Variants in JAKMIP2 observed in about 807,000 individuals in gnomAD.
The protein encoded by JAKMIP2 is janus kinase and microtubule-interacting protein 2.
In JAKMIP2, 25 loss-of-function variants were observed where a neutral mutation model predicts 115.0. That is an observed-to-expected ratio of 0.22 (90% CI 0.16 to 0.30). The LOEUF is 0.30. Among genes scored for constraint, JAKMIP2 ranks in the 10% least tolerant of loss-of-function variants. The pLI, the probability that JAKMIP2 is intolerant of heterozygous loss-of-function variation, is 1.00. For missense variants in JAKMIP2, 642 were observed against 957.6 expected (o/e 0.67, Z 4.35); for synonymous variants, 334 against 343.6 (o/e 0.97, Z 0.31).
intron 1 of JAKMIP2, among the ~76,000 whole-genome samples, chr5:147,721,438 C>T (rs2126943177): frequency 6.6e-6 from 1 of 152,226 alleles, no homozygotes; most frequent in South Asian, 2.1e-4. Flanking sequence ...GCGGGCGCCC[C>T]TCCCCCAGCC....
chr5:147,708,796 G>A (rs1331949233), intron 1 of JAKMIP2, among the ~76,000 whole-genome samples: 1 of 152,148 alleles, frequency 6.6e-6, no homozygotes, highest in Non-Finnish European at 1.5e-5. Context: ...ACAACATGAA[G>A]CCCTTTGTAA....
chr5:147,675,956 G>C (rs1759926677), intron 1 of JAKMIP2, among the ~76,000 whole-genome samples: 1 of 152,014 alleles, frequency 6.6e-6, no homozygotes, highest in African/African-American at 2.4e-5. Flanking sequence ...GGATTCTCTT[G>C]CTGCCTTTGT....
Position 147,661,375 on chromosome 5 carries a change from G to T in JAKMIP2, c.200C>A (p.Thr67Lys). 2 of 1,613,960 alleles carry T rather than the reference G, an allele frequency of 1.2e-6. No individual in the cohort carries two copies. The highest frequency in any genetic ancestry group is 3.3e-5 in the Admixed American group (2 of 60,012). Residue 67 changes from threonine (T) to lysine (K), a missense_variant, in exon 3 of 22, where the codon ACG becomes AAG. Thr to Lys is a moderately conservative substitution (Grantham distance 78). Around this residue, in one of 6 missense-constraint regions of JAKMIP2, gnomAD observed 439 missense variants for 570.9 expected, o/e 0.77. Coordinates refer to ENST00000616793, the MANE Select transcript of JAKMIP2 (RefSeq NM_001270941.2). ...GGCTTTGAGTTCTGTCACCAGCACC[G>T]TGTGCTTGCGCTGCTCCAGCTCACG... ...RIRELEQRKHTVLVTELKAKL... is the reference protein window; with the variant it reads ...RIRELEQRKHKVLVTELKAKL...
Position 147,751,256 on chromosome 5 carries a change from G to GTTTTTTTTTTTTT in JAKMIP2, c.-149+31187_-149+31199dup, listed in dbSNP as rs59032563. Among the ~76,000 whole-genome samples the GTTTTTTTTTTTTT allele has an allele frequency of 2.8e-4, 37 of 131,550 alleles. No homozygotes were observed. In the East Asian group the frequency reaches 8.5e-3, roughly 30 times the overall value. The allele number at this position is 131,550 out of a possible 152,430, so 86.3% of individuals were successfully genotyped here. On this transcript the variant is annotated intron_variant, in intron 1 of 21. Coordinates refer to ENST00000616793, the MANE Select transcript of JAKMIP2 (RefSeq NM_001270941.2). The stretch of plus-strand genomic sequence containing the variant: ...CCGGCTAAGTTGTTTTTTTGTTGTT[G>GTTTTTTTTTTTTT]TTTTTTTTTTTTTTTGTATTTTTAG...
intron 1 of JAKMIP2, among the ~76,000 whole-genome samples, chr5:147,724,402 T>G (rs556260378): frequency 6.6e-6 from 1 of 152,320 alleles, no homozygotes; most frequent in African/African-American, 2.4e-5. Flanking sequence ...TAGAAATATC[T>G]TCTTACGTCT....
intron 19 of JAKMIP2, among the ~76,000 whole-genome samples, chr5:147,612,913 C>T (rs1045989281): frequency 2.0e-5 from 3 of 152,146 alleles, no homozygotes; most frequent in South Asian, 2.1e-4. Context: ...TATCTTAACC[C>T]CATTTCAACC....
At chr5:147,634,454 G>A (rs569119245) in intron 12 of JAKMIP2, among the ~76,000 whole-genome samples, 23 of 152,224 alleles carry the variant, frequency 1.5e-4, no homozygotes, top group Middle Eastern at 6.8e-3. Context: ...GATATTTGTG[G>A]CCTAGTAAAC....
At chr5:147,702,708 A>AAAAG (rs1752424001) in intron 1 of JAKMIP2, among the ~76,000 whole-genome samples, 1 of 100,780 alleles carries the variant, frequency 9.9e-6, no homozygotes, top group Non-Finnish European at 2.0e-5. Flanking sequence ...GAAAAGAAAA[A>AAAAG]AAAAGAGCAG....
At chr5:147,702,566 AAG>A (rs5872039) in intron 1 of JAKMIP2, among the ~76,000 whole-genome samples, 15,032 of 129,938 alleles carry the variant, frequency 0.12, 1,280 homozygotes, top group Non-Finnish European at 0.16. Context: ...GAAAGAAAGA[AAG>A]AAAGAAAGAA....
At chr5:147,614,874 C>T (rs1039528335) in intron 19 of JAKMIP2, among the ~76,000 whole-genome samples, 8 of 152,166 alleles carry the variant, frequency 5.3e-5, no homozygotes, top group African/African-American at 1.7e-4. Context: ...GGGACTTAGC[C>T]CTTGCTGTCC....
chr5:147,669,285 G>A (rs1261877409), intron 2 of JAKMIP2, among the ~76,000 whole-genome samples: 2 of 152,184 alleles, frequency 1.3e-5, no homozygotes, highest in East Asian at 1.9e-4. Flanking sequence ...CCTGAGCTGG[G>A]ACCGTAATTA....
intron 20 of JAKMIP2, among the ~76,000 whole-genome samples, chr5:147,603,769 C>T (rs555626690): frequency 7.2e-5 from 11 of 152,058 alleles, no homozygotes; most frequent in Non-Finnish European, 1.5e-4. Context: ...AGTTCAGACC[C>T]GTAAAGTGTA....
At chr5:147,743,840 A>G (rs987577274) in intron 1 of JAKMIP2, among the ~76,000 whole-genome samples, 9 of 152,288 alleles carry the variant, frequency 5.9e-5, no homozygotes, top group African/African-American at 1.7e-4. Flanking sequence ...CCTGAAAAAC[A>G]GAATTGAAAT....
At chr5:147,691,726 C>T (rs115099021) in intron 1 of JAKMIP2, among the ~76,000 whole-genome samples, 1,897 of 152,242 alleles carry the variant, frequency 0.012, 19 homozygotes, top group Non-Finnish European at 0.019. Flanking sequence ...CTCAAGGGCA[C>T]ATGAGGGTGC....
In JAKMIP2 at chr5:147,702,678, G is replaced by GAA. The variant is rs1561547814; in HGVS notation, c.-148-30725_-148-30724insTT. Among the ~76,000 whole-genome samples the GAA allele has an allele frequency of 7.2e-3, 977 of 136,386 alleles. 31 individuals are homozygous for GAA. The highest frequency in any genetic ancestry group is 9.7e-3 in the African/African-American group (332 of 34,256). 89.5% of individuals were successfully genotyped at this position (136,386 alleles called of 152,430 possible). A position where few individuals can be genotyped will look rare whatever the true frequency, so the allele number is the denominator to read the frequency against. ...AAAGAAAGAAAGAGAGAGAAAGAAAGAGAAAGAAAGAAAAGAAAAGAAAAG... is the reference window on the plus strand; with the variant it reads ...AAAGAAAGAAAGAGAGAGAAAGAAAGAAAGAAAGAAAGAAAAGAAAAGAAAAG... On this transcript the variant is annotated intron_variant, in intron 1 of 21. Transcript: ENST00000616793.
chr5:147,766,666 T>C (rs758187932), intron 1 of JAKMIP2, among the ~76,000 whole-genome samples: 2 of 152,202 alleles, frequency 1.3e-5, no homozygotes, highest in Non-Finnish European at 2.9e-5. Flanking sequence ...CAGCAGTACA[T>C]GCCCTGAGAG....
chr5:147,595,526 C>T (rs754944638), intron 21 of JAKMIP2: 2 of 455,218 alleles, frequency 4.4e-6, no homozygotes, highest in South Asian at 3.1e-5. Context: ...TCTTCAATTT[C>T]CAGCCTCCAG....
At chr5:147,607,637 T>G (rs1756096820) in intron 20 of JAKMIP2, among the ~76,000 whole-genome samples, 1 of 152,154 alleles carries the variant, frequency 6.6e-6, no homozygotes, top group Admixed American at 6.5e-5. Flanking sequence ...GAAATTTTGT[T>G]GTTGTTGTTG....
At chr5:147,696,598 C>T (rs1257013520) in intron 1 of JAKMIP2, among the ~76,000 whole-genome samples, 1 of 152,058 alleles carries the variant, frequency 6.6e-6, no homozygotes, top group Non-Finnish European at 1.5e-5. Flanking sequence ...GCAGAGAGTG[C>T]CATGCTGGTA....
Sources: gnomAD v4.1 joint callset for allele counts (sites outside exome capture counted in the v4.1 genomes callset) on GRCh38, gnomAD v4.1.1 for gene constraint, gnomAD v4.1.1 regional missense constraint, MANE v1.5 for transcripts, NCBI Gene and HGNC (gene_info 2026-07-23, HGNC 2026-07-21) for gene names.